Variants in HSD17B12 observed in about 807,000 individuals in gnomAD.
HSD17B12 encodes very-long-chain 3-oxoacyl-CoA reductase.
Under a neutral mutation model 39.3 loss-of-function variants are expected in HSD17B12, and 32 were observed. The observed-to-expected ratio is 0.81, with a 90% CI of 0.61 to 1.09. HSD17B12 has a LOEUF of 1.09. Among genes scored for constraint, HSD17B12 ranks in the 50% least tolerant of loss-of-function variants. HSD17B12 has a pLI of 0.00. For synonymous variants in HSD17B12, 150 were observed against 146.7 expected (o/e 1.02, Z -0.16); for missense variants, 342 against 382.9 (o/e 0.89, Z 0.89).
chr11:43,712,487 T>A (rs1182167495), intron 1 of HSD17B12, among the ~76,000 whole-genome samples: 1 of 151,888 alleles, frequency 6.6e-6, no homozygotes, highest in Non-Finnish European at 1.5e-5. Context: ...ACCCAGAGAT[T>A]TTTTTTTCTA....
chr11:43,557,262 A>G, the HSD17B12 span, among the ~76,000 whole-genome samples: 1 of 152,162 alleles, frequency 6.6e-6, no homozygotes, highest in East Asian at 1.9e-4. Context: ...AGGGTGGAGA[A>G]GTATTCTGTA....
chr11:43,741,822 C>T (rs941862599), intron 1 of HSD17B12, among the ~76,000 whole-genome samples: 18 of 150,222 alleles, frequency 1.2e-4, no homozygotes, highest in African/African-American at 3.2e-4. Flanking sequence ...CAACCTCCCC[C>T]TCTTGGGTTC....
At chr11:43,629,683 G>T in the HSD17B12 span, among the ~76,000 whole-genome samples, 1 of 152,140 alleles carries the variant, frequency 6.6e-6, no homozygotes, top group East Asian at 1.9e-4. Context: ...TGAATTCCTG[G>T]TGATTGCAGC....
chr11:43,569,969 TC>T, the HSD17B12 span: 2 of 152,618 alleles, frequency 1.3e-5, no homozygotes, highest in African/African-American at 4.8e-5. Flanking sequence ...TAAAGTGCCC[TC>T]TAATGGGCAG....
intron 1 of HSD17B12, among the ~76,000 whole-genome samples, chr11:43,695,380 A>C (rs1949901262): frequency 1.3e-5 from 2 of 152,184 alleles, no homozygotes; most frequent in African/African-American, 4.8e-5. Flanking sequence ...GGAGTTTGAG[A>C]CCAGCCTGAC....
At chr11:43,743,749 T>C (rs986616888) in intron 1 of HSD17B12, among the ~76,000 whole-genome samples, 1 of 152,192 alleles carries the variant, frequency 6.6e-6, no homozygotes, top group Non-Finnish European at 1.5e-5. Context: ...GGCCCGTTGA[T>C]TGCATTGTAT....
the HSD17B12 span, among the ~76,000 whole-genome samples, chr11:43,643,880 A>G: frequency 6.6e-6 from 1 of 152,224 alleles, no homozygotes; most frequent in Non-Finnish European, 1.5e-5. Flanking sequence ...GATAAAGTCG[A>G]AGGGGAAGAT....
At chr11:43,607,258 G>A in the HSD17B12 span, among the ~76,000 whole-genome samples, 45 of 148,828 alleles carry the variant, frequency 3.0e-4, no homozygotes, top group African/African-American at 1.0e-3. Flanking sequence ...GATGGTGGAT[G>A]TGCTGGCACG....
At chr11:43,614,749 C>A in the HSD17B12 span, among the ~76,000 whole-genome samples, 1 of 151,972 alleles carries the variant, frequency 6.6e-6, no homozygotes, top group East Asian at 1.9e-4. Context: ...GCTGTTAAAT[C>A]CATTCAATAG....
chr11:43,663,192 C>T, the HSD17B12 span, among the ~76,000 whole-genome samples: 1 of 152,282 alleles, frequency 6.6e-6, no homozygotes, highest in African/African-American at 2.4e-5. Flanking sequence ...CTCCCGTTTC[C>T]GGATTCAAGT....
chr11:43,570,187 T>A, the HSD17B12 span: 1 of 152,506 alleles, frequency 6.6e-6, no homozygotes, highest in Admixed American at 6.6e-5. Flanking sequence ...TGTATCTGAG[T>A]GTGATGTAAT....
chr11:43,788,227 T>C (rs1950833877), intron 3 of HSD17B12, among the ~76,000 whole-genome samples: 2 of 152,254 alleles, frequency 1.3e-5, no homozygotes, highest in South Asian at 4.1e-4. Context: ...AGTCATTTCA[T>C]TTTTCAAGCT....
the HSD17B12 span, among the ~76,000 whole-genome samples, chr11:43,591,987 A>AT: frequency 6.6e-6 from 1 of 152,170 alleles, no homozygotes. Flanking sequence ...AAATAAGAAT[A>AT]TTTTTGAGTT....
chr11:43,786,201 A>G (rs1950814632), intron 3 of HSD17B12, among the ~76,000 whole-genome samples: 1 of 152,188 alleles, frequency 6.6e-6, no homozygotes, highest in Non-Finnish European at 1.5e-5. Flanking sequence ...TCACGACTCA[A>G]TTGCACAAAT....
intron 1 of HSD17B12, among the ~76,000 whole-genome samples, chr11:43,701,125 T>C (rs1200182409): frequency 6.6e-6 from 1 of 152,224 alleles, no homozygotes; most frequent in East Asian, 1.9e-4. Flanking sequence ...GTTTGACATT[T>C]GTATGTCTTC....
the HSD17B12 span, among the ~76,000 whole-genome samples, chr11:43,591,560 T>G: frequency 0.011 from 1,611 of 152,260 alleles, 28 homozygotes; most frequent in African/African-American, 0.037. Flanking sequence ...AGTTTATTTT[T>G]TAGTGATGCT....
At chr11:43,690,128 C>T (rs1949839514) in intron 1 of HSD17B12, among the ~76,000 whole-genome samples, 1 of 151,578 alleles carries the variant, frequency 6.6e-6, no homozygotes, top group African/African-American at 2.4e-5. Context: ...TTCTCCCTCA[C>T]TCCCACTCCT....
At chr11:43,563,620 G>A in the HSD17B12 span, among the ~76,000 whole-genome samples, 18 of 152,318 alleles carry the variant, frequency 1.2e-4, no homozygotes, top group East Asian at 3.5e-3. Flanking sequence ...TTCGAGACCA[G>A]CCTGAGCAAC....
At chr11:43,668,370 G>A in the HSD17B12 span, among the ~76,000 whole-genome samples, 1 of 152,222 alleles carries the variant, frequency 6.6e-6, no homozygotes, top group East Asian at 1.9e-4. Context: ...CCAAAGCTGG[G>A]AAAGATTCTC....
Sources: allele counts gnomAD v4.1 joint callset (sites outside exome capture counted in the v4.1 genomes callset), GRCh38; gene constraint gnomAD v4.1.1; transcripts MANE v1.5; gene names NCBI Gene and HGNC (gene_info 2026-07-23, HGNC 2026-07-21).